The following ATAD3B variants were observed in gnomAD, a reference collection of about 807,000 sequenced individuals.
The protein encoded by ATAD3B is ATPase family AAA domain-containing protein 3B.
Under a neutral mutation model 70.2 loss-of-function variants are expected in ATAD3B, and 59 were observed. The observed-to-expected ratio is 0.84, with a 90% CI of 0.68 to 1.04. The LOEUF (loss-of-function observed/expected upper bound fraction) is 1.04, where lower values mean the gene tolerates loss of function less well. Ranked by LOEUF, ATAD3B falls within the 50% of genes least tolerant of loss-of-function variation. ATAD3B has a pLI of 0.00. For missense variants in ATAD3B, 961 were observed against 913.4 expected (o/e 1.05, Z -0.67); for synonymous variants, 423 against 388.6 (o/e 1.09, Z -1.04).
At chr1:1,503,565 T>A in the ATAD3B span, 6 of 1,604,854 alleles carry the variant, frequency 3.7e-6, no homozygotes, top group Non-Finnish European at 5.1e-6. Flanking sequence ...ACCCGCCCTC[T>A]GTGCCCCTGT....
In ATAD3B at chr1:1,493,842, CT is replaced by C. The variant is rs1337141811; in HGVS notation, c.1615-1640del. The stretch of plus-strand genomic sequence containing the variant: ...CGTTTTGCTGGCATTTTGTTGAGGA[CT>C]TTCCCAGTGAGGCTCATCAGGGATA... On this transcript the variant is annotated intron_variant, in intron 15 of 15. Transcript: ENST00000673477. 8.6e-5 allele frequency among the ~76,000 whole-genome samples: 13 copies of C among 152,012 alleles called. No individual in the cohort carries two copies. The East Asian group carries it at 2.3e-3, about 27-fold the overall frequency.
At chr1:1,501,412 G>A (rs1233796645), downstream of ATAD3B, among the ~76,000 whole-genome samples, 5 of 152,072 alleles carry the variant, frequency 3.3e-5, no homozygotes, top group Admixed American at 6.6e-5. Context: ...CTGCCACCAC[G>A]CCCAGCTAAT....
chr1:1,477,221 G>T, intron 1 of ATAD3B, 53 bp from the exon 2 acceptor site: 1 of 1,602,786 alleles, frequency 6.2e-7, no homozygotes, highest in Non-Finnish European at 8.5e-7. Flanking sequence ...TGTTGGCCAG[G>T]CTTTGGTATC....
At position 1,496,458 on chromosome 1, in the gene ATAD3B, T is replaced by C. The variant is rs543554733; in HGVS notation, c.*641T>C. The stretch of plus-strand genomic sequence containing the variant: ...CCCCGAGAAGAATGAGGCTGCAGAG[T>C]GATGTGGGGGCCAGCGGTGACTTCA... On this transcript the variant is annotated 3_prime_UTR_variant, in exon 16 of 16. Coordinates refer to ENST00000673477, the MANE Select transcript of ATAD3B (RefSeq NM_031921.6). 1 of 158,782 alleles carries C rather than the reference T, an allele frequency of 6.3e-6. No homozygotes were observed. The highest frequency in any genetic ancestry group is 2.0e-4 in the South Asian group (1 of 4,922). The allele number at this position is 158,782 out of a possible 1,614,324, so 9.8% of individuals were successfully genotyped here.
intron 7 of ATAD3B, 163 bp downstream of exon 7, chr1:1,482,777 C>G (rs574923288): frequency 8.5e-7 from 1 of 1,176,018 alleles, no homozygotes; most frequent in Non-Finnish European, 1.2e-6. Flanking sequence ...GCTCCTCCCT[C>G]CTTGAGCTGG....
At position 1,489,242 on chromosome 1, in the gene ATAD3B, C is replaced by A. The variant is rs759116278; in HGVS notation, c.1305C>A (p.Ala435=). 6.2e-7 allele frequency: 1 copy of A among 1,613,628 alleles called. No homozygotes were observed. Among genetic ancestry groups the A allele is most frequent in the Non-Finnish European group, 8.5e-7 (1 of 1,179,670 alleles). ...AGGACCTCAGAGCCACACTGAACGC[C>A]TTCCTGTACCACATGGGCCAACACA... is the stretch of plus-strand genomic sequence containing the variant. ...ISKDLRATLN[A]FLYHMGQHSN... Residue 435 remains alanine (A), a synonymous_variant, in exon 13 of 16, where the codon GCC becomes GCA. Transcript: ENST00000673477.
At chr1:1,508,194 C>T in the ATAD3B span, among the ~76,000 whole-genome samples, 7 of 149,500 alleles carry the variant, frequency 4.7e-5, no homozygotes, top group South Asian at 2.1e-4. Context: ...GCCACAGTGG[C>T]GGTACGGCTC....
chr1:1,485,200 G>C (rs896136152), intron 8 of ATAD3B, 29 bp downstream of exon 8: 2 of 1,607,816 alleles, frequency 1.2e-6, no homozygotes, highest in African/African-American at 2.7e-5. Flanking sequence ...CCCTCCCTGA[G>C]TGCAGTTCCT....
At chr1:1,495,131 C>T (rs1330073787) in intron 15 of ATAD3B, among the ~76,000 whole-genome samples, 1 of 152,026 alleles carries the variant, frequency 6.6e-6, no homozygotes, top group Non-Finnish European at 1.5e-5. Flanking sequence ...CACTATGACC[C>T]GGGGGCACTG....
At chr1:1,488,008 G>C in intron 12 of ATAD3B, 94 bp downstream of exon 12, 3 of 1,538,534 alleles carry the variant, frequency 1.9e-6, no homozygotes, top group Non-Finnish European at 2.7e-6. Context: ...AAGCTGGCTT[G>C]CAGTGGCGCA....
intron 5 of ATAD3B, 102 bp from the exon 6 acceptor site, chr1:1,482,036 C>G: frequency 6.7e-7 from 1 of 1,492,478 alleles, no homozygotes; most frequent in Non-Finnish European, 9.0e-7. Context: ...GTTGGTCTGT[C>G]CGTGGCGTGG....
rs1640765842 is a variant in ATAD3B, at chr1:1,495,856, CGA to C, written c.*42_*43del. ...AGGGGCAGGCCTCCTTCCTGCCCCT[CGA>C]GACACTCTTGGGAGATGCATTTTCC... On this transcript the variant is annotated 3_prime_UTR_variant, in exon 16 of 16. Coordinates refer to ENST00000673477, the MANE Select transcript of ATAD3B (RefSeq NM_031921.6). The C allele has an allele frequency of 6.6e-7, 1 of 1,511,574 alleles. No individual in the cohort carries two copies. Among genetic ancestry groups the C allele is most frequent in the Non-Finnish European group, 8.8e-7 (1 of 1,134,576 alleles). 93.6% of individuals were successfully genotyped at this position (1,511,574 alleles called of 1,614,324 possible).
chr1:1,509,401 C>G, the ATAD3B span: 2 of 1,600,396 alleles, frequency 1.2e-6, no homozygotes, highest in East Asian at 4.5e-5. Flanking sequence ...ACCCCTCCCA[C>G]CCCTGCCTTT....
rs757278091 is a variant in ATAD3B at position 1,477,277 on chromosome 1, A to G, written c.209A>G (p.Tyr70Cys). Residue 70 changes from tyrosine (Y) to cysteine (C), a missense_variant, in exon 2 of 16, where the codon TAC becomes TGC. This residue lies in a region of ATAD3B where 187 missense variants were observed against 244.3 expected (regional missense o/e 0.77). Coordinates refer to ENST00000673477, the MANE Select transcript of ATAD3B (RefSeq NM_031921.6). Reference protein sequence around the residue: ...KAARELEHSRYAKEALNLAQM... With the variant: ...KAARELEHSRCAKEALNLAQM... ...TCCGTGCCACATGCGCCCGCAGGTT[A>G]CGCCAAGGAGGCCCTGAATCTGGCG... The G allele has an allele frequency of 3.1e-6, 5 of 1,612,226 alleles. No homozygotes were observed. Among genetic ancestry groups the G allele is most frequent in the South Asian group, 1.1e-5 (1 of 90,952 alleles).
At chr1:1,505,851 A>G in the ATAD3B span, among the ~76,000 whole-genome samples, 1 of 152,362 alleles carries the variant, frequency 6.6e-6, no homozygotes, top group Non-Finnish European at 1.5e-5. Flanking sequence ...AATCATATCT[A>G]AGATCTATAT....
chr1:1,498,282 A>C (rs373403740), downstream of ATAD3B, among the ~76,000 whole-genome samples: 17 of 151,794 alleles, frequency 1.1e-4, no homozygotes, highest in East Asian at 2.1e-3. Flanking sequence ...CAGCCTGGGC[A>C]GCAAGAGTGA....
chr1:1,498,671 G>T (rs192102992), downstream of ATAD3B, among the ~76,000 whole-genome samples: 1,395 of 151,434 alleles, frequency 9.2e-3, 24 homozygotes, highest in African/African-American at 0.031. Flanking sequence ...GCCTCCCAAA[G>T]TGTTGGGGTT....
chr1:1,482,579 GC>G lies in ATAD3B; in HGVS notation c.717del (p.Phe240LeufsTer2). 6.2e-7 allele frequency: 1 copy of G among 1,613,356 alleles called. No homozygotes were observed. Among genetic ancestry groups the G allele is most frequent in the Middle Eastern group, 1.7e-4 (1 of 5,998 alleles). ...CACCTTGTTTGGGGAAGGATTCCGT[GC>G]CTTTGTGACAGACCGGGACAAAGTG... ...AGTLFGEGFR[A>X]FVTDRDKVTA... On this transcript the variant is annotated frameshift_variant, in exon 7 of 16. Transcript: ENST00000673477. LOFTEE classifies it high-confidence loss of function.
At chr1:1,495,371 C>T (rs1009753514) in intron 15 of ATAD3B, 114 bp from the exon 16 acceptor site, 2 of 1,394,594 alleles carry the variant, frequency 1.4e-6, no homozygotes, top group South Asian at 1.4e-5. Context: ...GTGTTTCACC[C>T]TGAGGTTGTC....
Sources: gnomAD v4.1 joint callset for allele counts (sites outside exome capture counted in the v4.1 genomes callset) on GRCh38, gnomAD v4.1.1 for gene constraint, gnomAD v4.1.1 regional missense constraint, MANE v1.5 for transcripts, NCBI Gene and HGNC (gene_info 2026-07-23, HGNC 2026-07-21) for gene names.